Variants in IL23R observed in about 807,000 individuals in gnomAD.
IL23R encodes the protein interleukin-23 receptor.
IL23R carries 34 observed loss-of-function variants against 56.9 expected under a neutral mutation model. That is an observed-to-expected ratio of 0.60 (90% CI 0.45 to 0.80). The LOEUF is 0.80. Ranked by LOEUF, IL23R falls within the 30% of genes least tolerant of loss-of-function variation. The probability of loss-of-function intolerance (pLI) is 0.00; values close to 1 mark genes in which losing one functional copy is unlikely to be tolerated. For synonymous variants in IL23R, 230 were observed against 249.2 expected (o/e 0.92, Z 0.73); for missense variants, 635 against 730.0 (o/e 0.87, Z 1.50).
chr1:67,262,489 G>A (rs1003771602), downstream of IL23R, among the ~76,000 whole-genome samples: 1 of 152,158 alleles, frequency 6.6e-6, no homozygotes, highest in Non-Finnish European at 1.5e-5. Context: ...ATGTTCATCT[G>A]AGTCTCAGGT....
intron 4 of IL23R, among the ~76,000 whole-genome samples, chr1:67,189,943 A>G (rs1396808200): frequency 2.0e-5 from 3 of 152,198 alleles, no homozygotes; most frequent in Non-Finnish European, 4.4e-5. Context: ...TCAAAAAAAA[A>G]GAAAGAAAAG....
chr1:67,255,796 T>C, intron 9 of IL23R, 41 bp from the exon 10 acceptor site: 1 of 1,004,900 alleles, frequency 1.0e-6, no homozygotes, highest in Non-Finnish European at 1.6e-6. Flanking sequence ...ATCTCCTATA[T>C]GATTGCCTGC....
chr1:67,229,281 T>A (rs1650941626), intron 7 of IL23R, among the ~76,000 whole-genome samples: 1 of 152,168 alleles, frequency 6.6e-6, no homozygotes, highest in Non-Finnish European at 1.5e-5. Context: ...GGAAAACACT[T>A]ATGATTACTG....
chr1:67,197,944 AAAAG>A (rs200418111), intron 4 of IL23R, among the ~76,000 whole-genome samples: 53,958 of 132,044 alleles, frequency 0.41, 9,863 homozygotes, highest in Admixed American at 0.49. Context: ...ATTAAAAAAG[AAAAG>A]AAAAGAAAAG....
intron 5 of IL23R, among the ~76,000 whole-genome samples, chr1:67,204,120 G>C (rs147716707): frequency 0.032 from 4,808 of 152,170 alleles, 100 homozygotes; most frequent in African/African-American, 0.057. Flanking sequence ...CTGGAGTGCA[G>C]TGGCGCGATC....
At chr1:67,235,514 C>A (rs1651416947) in intron 7 of IL23R, among the ~76,000 whole-genome samples, 1 of 151,970 alleles carries the variant, frequency 6.6e-6, no homozygotes, top group Admixed American at 6.6e-5. Context: ...CTGTCTCAGC[C>A]TCCCAAGTAG....
Position 67,258,852 on chromosome 1 carries a change from T to C in IL23R, c.1614T>C (p.Asn538=). 6.2e-7 allele frequency: 1 copy of C among 1,613,840 alleles called. No individual in the cohort carries two copies. Among genetic ancestry groups the C allele is most frequent in the Non-Finnish European group, 8.5e-7 (1 of 1,179,844 alleles). ...TTGCTTTTTCTGTTTCAAGTGTGAA[T>C]TCACTAAGCAACACAATATTTCTTG... ...PNFAFSVSSV[N]SLSNTIFLGE... is the part of the protein sequence containing the mutation. The change falls in exon 11 of 11, where the codon AAT becomes AAC. Residue 538 remains asparagine, a synonymous_variant. Transcript: ENST00000347310.
intron 7 of IL23R, among the ~76,000 whole-genome samples, chr1:67,232,364 C>T (rs879576620): frequency 1.3e-5 from 2 of 152,084 alleles, no homozygotes; most frequent in Non-Finnish European, 2.9e-5. Flanking sequence ...CACACCATGG[C>T]GAGTCCTCAG....
chr1:67,225,783 T>C (rs1650578182), intron 7 of IL23R, among the ~76,000 whole-genome samples: 1 of 151,748 alleles, frequency 6.6e-6, no homozygotes, highest in Non-Finnish European at 1.5e-5. Flanking sequence ...GTGCTGGGAT[T>C]ACAAGCACGA....
chr1:67,243,914 A>G (rs948756490), intron 9 of IL23R, among the ~76,000 whole-genome samples: 3 of 152,166 alleles, frequency 2.0e-5, no homozygotes, highest in African/African-American at 7.2e-5. Flanking sequence ...GAACTCATTT[A>G]CACTCCCACC....
chr1:67,147,383 A>G (rs1300542687), intron 1 of IL23R, among the ~76,000 whole-genome samples: 1 of 152,234 alleles, frequency 6.6e-6, no homozygotes, highest in East Asian at 1.9e-4. Context: ...TATTGCAAAT[A>G]TAAGCACAAT....
At chr1:67,186,760 A>C in intron 4 of IL23R, among the ~76,000 whole-genome samples, 1 of 152,074 alleles carries the variant, frequency 6.6e-6, no homozygotes, top group East Asian at 1.9e-4. Context: ...CTGGGATTAC[A>C]GGTGCACGCC....
At chr1:67,254,547 A>C (rs990998766) in intron 9 of IL23R, among the ~76,000 whole-genome samples, 8 of 152,162 alleles carry the variant, frequency 5.3e-5, no homozygotes, top group East Asian at 1.9e-4. Flanking sequence ...ACAACAACAA[A>C]AAAAATGGAA....
chr1:67,218,934 AAAAT>A (rs1361763635), intron 6 of IL23R, among the ~76,000 whole-genome samples: 1 of 151,348 alleles, frequency 6.6e-6, no homozygotes, highest in African/African-American at 2.4e-5. Flanking sequence ...ATCTAGAAAA[AAAAT>A]AAAATAAAAA....
intron 6 of IL23R, among the ~76,000 whole-genome samples, chr1:67,214,002 A>T (rs777243420): frequency 4.6e-5 from 7 of 152,204 alleles, no homozygotes; most frequent in Non-Finnish European, 1.0e-4. Flanking sequence ...AAAGGCTCAG[A>T]GATAGCAAGA....
intron 9 of IL23R, among the ~76,000 whole-genome samples, chr1:67,241,044 A>G (rs992821486): frequency 1.3e-5 from 2 of 152,036 alleles, no homozygotes; most frequent in Non-Finnish European, 2.9e-5. Flanking sequence ...TTGTCTGCCT[A>G]TTAGGCTAGG....
At chr1:67,203,403 C>T (rs1213687683) in intron 5 of IL23R, among the ~76,000 whole-genome samples, 1 of 152,174 alleles carries the variant, frequency 6.6e-6, no homozygotes, top group Non-Finnish European at 1.5e-5. Flanking sequence ...CTGGCCTCTA[C>T]TTCCAGACTG....
intron 7 of IL23R, among the ~76,000 whole-genome samples, chr1:67,225,763 G>C (rs532095340): frequency 2.6e-4 from 39 of 151,748 alleles, no homozygotes; most frequent in African/African-American, 9.4e-4. Flanking sequence ...CCCTGCCTTG[G>C]CCTCCCAGAG....
chr1:67,221,452 G>A (rs560699345), intron 7 of IL23R, among the ~76,000 whole-genome samples: 19 of 152,136 alleles, frequency 1.2e-4, no homozygotes, highest in African/African-American at 4.1e-4. Flanking sequence ...TCCTCAACAG[G>A]ATTTAGCTGA....
Sources: allele counts gnomAD v4.1 joint callset (sites outside exome capture counted in the v4.1 genomes callset), GRCh38; gene constraint gnomAD v4.1.1; transcripts MANE v1.5; gene names NCBI Gene and HGNC (gene_info 2026-07-23, HGNC 2026-07-21).